The following TLL1 variants were observed in gnomAD, a reference collection of about 807,000 sequenced individuals.
TLL1 encodes the protein tolloid like 1.
TLL1 carries 49 observed loss-of-function variants against 128.2 expected under a neutral mutation model. The observed-to-expected ratio is 0.38, with a 90% CI of 0.30 to 0.48. The LOEUF is 0.48. Ranked by LOEUF, TLL1 falls within the 20% of genes least tolerant of loss-of-function variation. TLL1 has a pLI of 0.96. For synonymous variants in TLL1, 454 were observed against 418.8 expected, an observed-to-expected ratio of 1.08 and a Z score of -1.03; for missense variants, 1,123 against 1,242.0, an observed-to-expected ratio of 0.90 and a Z score of 1.44.
chr4:166,075,721 T>G (rs1054045873), intron 17 of TLL1, among the ~76,000 whole-genome samples: 3 of 152,174 alleles, frequency 2.0e-5, no homozygotes, highest in Non-Finnish European at 4.4e-5. Context: ...ATGCATGTTT[T>G]GAGAGGAGAA....
At chr4:166,040,875 CTATG>C (rs1465654595) in intron 10 of TLL1, among the ~76,000 whole-genome samples, 2 of 152,306 alleles carry the variant, frequency 1.3e-5, no homozygotes, top group Admixed American at 1.3e-4. Context: ...TACACTAAAA[CTATG>C]TATGCCATTT....
chr4:166,025,527 T>C lies in TLL1; in HGVS notation c.1158+96T>C, dbSNP rs559097633. ...AATTTGCTTTATCCTTTATTCTTGTTTGAGTTTTCAAATGGACTAAAAAGT... is the reference window on the plus strand; with the variant it reads ...AATTTGCTTTATCCTTTATTCTTGTCTGAGTTTTCAAATGGACTAAAAAGT... On this transcript the variant is annotated intron_variant, in intron 9 of 20. Coordinates refer to ENST00000061240, the MANE Select transcript of TLL1 (RefSeq NM_012464.5). 3 of 1,023,948 alleles carry C rather than the reference T, an allele frequency of 2.9e-6. No individual in the cohort carries two copies. The East Asian group carries it at 7.5e-5, about 26-fold the overall frequency. 63.4% of individuals were successfully genotyped at this position (1,023,948 alleles called of 1,614,324 possible). A position where few individuals can be genotyped will look rare whatever the true frequency, so the allele number is the denominator to read the frequency against.
At chr4:165,925,728 C>T (rs1400812458) in intron 1 of TLL1, among the ~76,000 whole-genome samples, 2 of 152,158 alleles carry the variant, frequency 1.3e-5, no homozygotes, top group African/African-American at 4.8e-5. Flanking sequence ...TAGCATGATA[C>T]AGAGAAATTC....
Position 165,988,303 on chromosome 4 carries a change from A to G in TLL1, c.170-1078A>G, listed in dbSNP as rs191322052. ...GCTTTGCTTTATTAAGTAGCATAATACACTAGGTAAAAAAGATAGAGTCAG... is the reference window on the plus strand; with the variant it reads ...GCTTTGCTTTATTAAGTAGCATAATGCACTAGGTAAAAAAGATAGAGTCAG... On this transcript the variant is annotated intron_variant, in intron 1 of 20. Coordinates refer to ENST00000061240, the MANE Select transcript of TLL1 (RefSeq NM_012464.5). Among the ~76,000 whole-genome samples the G allele has an allele frequency of 2.4e-4, 36 of 152,248 alleles. No homozygotes were observed. The East Asian group carries it at 5.2e-3, about 22-fold the overall frequency.
intron 6 of TLL1, among the ~76,000 whole-genome samples, chr4:166,004,966 T>C (rs1737351054): frequency 1.3e-5 from 2 of 151,766 alleles, no homozygotes; most frequent in Non-Finnish European, 2.9e-5. Context: ...GTGCCTGAAG[T>C]CCAGGAAACC....
At chr4:165,913,118 G>T (rs1433870167) in intron 1 of TLL1, among the ~76,000 whole-genome samples, 1 of 152,026 alleles carries the variant, frequency 6.6e-6, no homozygotes, top group East Asian at 1.9e-4. Flanking sequence ...TAAATAACAA[G>T]TCCAGATCAT....
In TLL1 at chr4:166,014,097, T is replaced by A. The variant is rs567447708; in HGVS notation, c.918-339T>A. 1.1e-4 allele frequency among the ~76,000 whole-genome samples: 17 copies of A among 152,022 alleles called. No homozygotes were observed. The South Asian group carries it at 3.5e-3, about 32-fold the overall frequency. On this transcript the variant is annotated intron_variant, in intron 7 of 20. Coordinates refer to ENST00000061240, the MANE Select transcript of TLL1 (RefSeq NM_012464.5). ...TATGAGGAATCATTGTTTCACAACC[T>A]GATAATCTAAGGAATTCTTAGATCT...
At chr4:166,054,572 C>T (rs553823324) in intron 12 of TLL1, among the ~76,000 whole-genome samples, 1 of 120,576 alleles carries the variant, frequency 8.3e-6, no homozygotes, top group Non-Finnish European at 1.7e-5. Context: ...TCCCTCCCCC[C>T]ACCCCACCAC....
At chr4:165,875,885 C>A (rs1730702576) in intron 1 of TLL1, among the ~76,000 whole-genome samples, 2 of 151,570 alleles carry the variant, frequency 1.3e-5, no homozygotes, top group Non-Finnish European at 2.9e-5. Flanking sequence ...TTAGTTTCCT[C>A]AGCAAATAAA....
chr4:165,879,215 G>C (rs1438168891), intron 1 of TLL1, among the ~76,000 whole-genome samples: 2 of 152,030 alleles, frequency 1.3e-5, no homozygotes, highest in African/African-American at 2.4e-5. Flanking sequence ...CAAAGTGCTG[G>C]CATTACAGGC....
intron 1 of TLL1, among the ~76,000 whole-genome samples, chr4:165,889,098 A>C (rs535384821): frequency 1.4e-4 from 22 of 152,348 alleles, no homozygotes; most frequent in South Asian, 2.1e-4. Flanking sequence ...TGAGTTATGC[A>C]GGAAGCTCAG....
chr4:165,875,121 T>C (rs977294462), intron 1 of TLL1: 45 of 152,432 alleles, frequency 3.0e-4, no homozygotes, highest in African/African-American at 9.6e-4. Flanking sequence ...GGAAGGCACG[T>C]TAGGTTCCAT....
At chr4:165,984,507 T>C (rs1482225341) in intron 1 of TLL1, among the ~76,000 whole-genome samples, 2 of 151,962 alleles carry the variant, frequency 1.3e-5, no homozygotes, top group African/African-American at 2.4e-5. Context: ...ATTTTCATTA[T>C]GCCTTCATTG....
At chr4:165,958,680 T>C (rs1212172513) in intron 1 of TLL1, among the ~76,000 whole-genome samples, 52 of 130,340 alleles carry the variant, frequency 4.0e-4, no homozygotes, top group African/African-American at 8.2e-4. Context: ...ACTCTGATGG[T>C]AGTTTCTTTT....
At chr4:166,061,238 CTTTTTTTTTTTTCTT>C (rs199501444) in intron 15 of TLL1, among the ~76,000 whole-genome samples, 22 of 143,200 alleles carry the variant, frequency 1.5e-4, no homozygotes, top group African/African-American at 2.1e-4. Context: ...TCCTCCTTTC[CTTTTTTTTTTTTCTT>C]TTTTTTTTTT....
At chr4:166,033,134 T>C (rs1738847528) in intron 9 of TLL1, among the ~76,000 whole-genome samples, 1 of 152,250 alleles carries the variant, frequency 6.6e-6, no homozygotes. Flanking sequence ...GAAATTAAAA[T>C]AACCTTTTAG....
At chr4:165,912,220 G>C (rs912658715) in intron 1 of TLL1, among the ~76,000 whole-genome samples, 3 of 152,108 alleles carry the variant, frequency 2.0e-5, no homozygotes, top group South Asian at 4.1e-4. Flanking sequence ...CTGTTGCCTT[G>C]TTCAACAATC....
At chr4:166,011,981 A>G (rs754812136) in intron 7 of TLL1, among the ~76,000 whole-genome samples, 8 of 151,556 alleles carry the variant, frequency 5.3e-5, no homozygotes, top group Admixed American at 2.6e-4. Context: ...AAAAGTTCCA[A>G]TTGTTTTTAT....
intron 12 of TLL1, 72 bp downstream of exon 12, chr4:166,043,491 T>G: frequency 6.3e-7 from 1 of 1,599,052 alleles, no homozygotes; most frequent in Admixed American, 1.7e-5. Flanking sequence ...AGAATCCTCA[T>G]TAAATCAGCA....
Sources: allele counts gnomAD v4.1 joint callset (sites outside exome capture counted in the v4.1 genomes callset), GRCh38; gene constraint gnomAD v4.1.1; transcripts MANE v1.5; gene names NCBI Gene and HGNC (gene_info 2026-07-23, HGNC 2026-07-21).